Variants in DNER observed in about 807,000 individuals in gnomAD.
DNER encodes delta and Notch-like epidermal growth factor-related receptor.
In DNER, 33 loss-of-function variants were observed where a neutral mutation model predicts 78.2. The observed-to-expected ratio is 0.42, with a 90% CI of 0.32 to 0.56. DNER has a LOEUF of 0.56. Ranked by LOEUF, DNER falls within the 20% of genes least tolerant of loss-of-function variation. DNER has a pLI of 0.11. For missense variants in DNER, 918 were observed against 975.3 expected, an observed-to-expected ratio of 0.94 and a Z score of 0.78; for synonymous variants, 417 against 384.8, an observed-to-expected ratio of 1.08 and a Z score of -0.98.
At chr2:229,623,513 G>A (rs909897822) in intron 1 of DNER, among the ~76,000 whole-genome samples, 1 of 152,166 alleles carries the variant, frequency 6.6e-6, no homozygotes, top group African/African-American at 2.4e-5. Flanking sequence ...CAGGCAGCCG[G>A]GCATGAGCTA....
rs1354270283 is a variant in DNER at position 229,668,540 on chromosome 2, A to G, written c.276+45608T>C. Among the ~76,000 whole-genome samples, 44 of 3,122 alleles carry G rather than the reference A, an allele frequency of 0.014. No individual in the cohort carries two copies. In the East Asian group the frequency reaches 0.32, roughly 23 times the overall value. The allele number at this position is 3,122 out of a possible 152,430, so 2.0% of individuals were successfully genotyped here. A position where few individuals can be genotyped will look rare whatever the true frequency, so the allele number is the denominator to read the frequency against. ...TATGTGTGTGTGTGTGTGTGTGTAT[A>G]TATATATATATATATATATATATAT... On this transcript the variant is annotated intron_variant, in intron 1 of 12. Transcript: ENST00000341772.
intron 5 of DNER, among the ~76,000 whole-genome samples, chr2:229,539,285 C>T (rs1338413550): frequency 6.6e-6 from 1 of 152,144 alleles, no homozygotes; most frequent in African/African-American, 2.4e-5. Context: ...ATGACATCTT[C>T]TCTTGCACTT....
intron 1 of DNER, among the ~76,000 whole-genome samples, chr2:229,605,235 C>T (rs1383923829): frequency 6.6e-6 from 1 of 152,084 alleles, no homozygotes; most frequent in Non-Finnish European, 1.5e-5. Flanking sequence ...AGGATGGTCA[C>T]AACAGAGACG....
intron 6 of DNER, among the ~76,000 whole-genome samples, chr2:229,486,390 G>A (rs537069341): frequency 6.6e-6 from 1 of 151,918 alleles, no homozygotes; most frequent in Non-Finnish European, 1.5e-5. Flanking sequence ...ACAGAAAGCT[G>A]ACATTCAGCA....
chr2:229,604,398 T>C (rs1697893814), intron 1 of DNER, among the ~76,000 whole-genome samples: 1 of 152,170 alleles, frequency 6.6e-6, no homozygotes, highest in African/African-American at 2.4e-5. Flanking sequence ...TCTAAATCAT[T>C]CTTTATTCAG....
At chr2:229,602,231 A>G (rs931501756) in intron 1 of DNER, among the ~76,000 whole-genome samples, 1 of 152,208 alleles carries the variant, frequency 6.6e-6, no homozygotes, top group Non-Finnish European at 1.5e-5. Flanking sequence ...ATTTCCTGTG[A>G]AGATTGTATG....
At chr2:229,582,484 A>G (rs2154214345) in intron 4 of DNER, among the ~76,000 whole-genome samples, 1 of 152,272 alleles carries the variant, frequency 6.6e-6, no homozygotes, top group East Asian at 1.9e-4. Flanking sequence ...TAAAAGACCC[A>G]GAAAGCCCTA....
intron 5 of DNER, among the ~76,000 whole-genome samples, chr2:229,542,017 G>A (rs1159854240): frequency 2.8e-5 from 4 of 143,044 alleles, no homozygotes; most frequent in South Asian, 2.2e-4. Context: ...ATATATAATC[G>A]CCATCCAATG....
chr2:229,625,523 C>T (rs933402977), intron 1 of DNER, among the ~76,000 whole-genome samples: 61 of 152,216 alleles, frequency 4.0e-4, no homozygotes, highest in Non-Finnish European at 7.1e-4. Flanking sequence ...ACAAGGGAGA[C>T]GGAGGGGAGC....
intron 4 of DNER, among the ~76,000 whole-genome samples, chr2:229,578,059 C>T (rs1018988336): frequency 6.6e-6 from 1 of 152,122 alleles, no homozygotes; most frequent in African/African-American, 2.4e-5. Context: ...TCAGAGTGTA[C>T]AGAAAAGAGA....
intron 1 of DNER, among the ~76,000 whole-genome samples, chr2:229,644,334 C>CTTTTTTTT (rs5839345): frequency 1.1e-4 from 11 of 97,504 alleles, no homozygotes; most frequent in Non-Finnish European, 1.4e-4. Flanking sequence ...CTTGCTTTCT[C>CTTTTTTTT]TTTTTTTTTT....
At chr2:229,588,260 C>A (rs1157133483) in intron 3 of DNER, 134 bp downstream of exon 3, 34 of 725,008 alleles carry the variant, frequency 4.7e-5, no homozygotes, top group Non-Finnish European at 1.4e-5. Flanking sequence ...ATGGCAGGGG[C>A]CACATCTACC....
At chr2:229,467,897 CAGGTTTTGGA>C (rs752445739) in intron 7 of DNER, among the ~76,000 whole-genome samples, 205 of 152,272 alleles carry the variant, frequency 1.3e-3, no homozygotes, top group Non-Finnish European at 2.2e-3. Flanking sequence ...CCAAAGCAGG[CAGGTTTTGGA>C]AGGGAGTCAA....
chr2:229,369,006 G>A (rs1378246065), intron 11 of DNER, among the ~76,000 whole-genome samples: 1 of 152,148 alleles, frequency 6.6e-6, no homozygotes, highest in Non-Finnish European at 1.5e-5. Flanking sequence ...CAGCATAAGA[G>A]TGGAAATAGT....
intron 9 of DNER, among the ~76,000 whole-genome samples, chr2:229,410,806 T>C (rs1015535894): frequency 3.3e-5 from 5 of 152,226 alleles, no homozygotes; most frequent in African/African-American, 1.2e-4. Flanking sequence ...CAAATTTAGT[T>C]ACAATTAATA....
At chr2:229,466,173 A>G (rs1694801052) in intron 7 of DNER, among the ~76,000 whole-genome samples, 1 of 151,472 alleles carries the variant, frequency 6.6e-6, no homozygotes, top group Non-Finnish European at 1.5e-5. Context: ...CCTTGTCCAC[A>G]CTCTTGGGCC....
At chr2:229,453,312 C>T (rs1407907370) in intron 7 of DNER, among the ~76,000 whole-genome samples, 1 of 151,998 alleles carries the variant, frequency 6.6e-6, no homozygotes, top group African/African-American at 2.4e-5. Context: ...GTGTTGTTAT[C>T]AAATGCAGTG....
intron 1 of DNER, among the ~76,000 whole-genome samples, chr2:229,621,585 G>A (rs1482780300): frequency 1.4e-5 from 2 of 147,774 alleles, no homozygotes; most frequent in Non-Finnish European, 1.5e-5. Context: ...TTTTAACCTG[G>A]AACCATGGGC....
At chr2:229,599,034 G>C (rs1413207321) in intron 1 of DNER, among the ~76,000 whole-genome samples, 2 of 152,160 alleles carry the variant, frequency 1.3e-5, no homozygotes, top group Non-Finnish European at 2.9e-5. Flanking sequence ...GGGGGAATGG[G>C]ACGGTGCTTG....
Sources: allele counts gnomAD v4.1 joint callset (sites outside exome capture counted in the v4.1 genomes callset), GRCh38; gene constraint gnomAD v4.1.1; transcripts MANE v1.5; gene names NCBI Gene and HGNC (gene_info 2026-07-23, HGNC 2026-07-21).